Variants in SMG1 observed in about 807,000 individuals in gnomAD.
The protein encoded by SMG1 is serine/threonine-protein kinase SMG1.
Under a neutral mutation model 419.9 loss-of-function variants are expected in SMG1, and 22 were observed. The observed-to-expected ratio is 0.05, with a 90% CI of 0.04 to 0.07. SMG1 has a LOEUF of 0.07. Among genes scored for constraint, SMG1 ranks in the 10% least tolerant of loss-of-function variants. The probability of loss-of-function intolerance (pLI) is 1.00; values close to 1 mark genes in which losing one functional copy is unlikely to be tolerated. For synonymous variants in SMG1, 1,538 were observed against 1,553.5 expected, an observed-to-expected ratio of 0.99 and a Z score of 0.23; for missense variants, 3,185 against 4,342.0, an observed-to-expected ratio of 0.73 and a Z score of 7.49.
At chr16:18,854,611 G>A in intron 30 of SMG1, 45 bp downstream of exon 30, 1 of 1,533,210 alleles carries the variant, frequency 6.5e-7, no homozygotes, top group Non-Finnish European at 8.8e-7. Context: ...TCATATACAT[G>A]ATTTTTATTA....
chr16:18,812,179 G>T (rs2031473311), intron 60 of SMG1, 52 bp from the exon 61 acceptor site: 2 of 1,557,754 alleles, frequency 1.3e-6, no homozygotes, highest in Non-Finnish European at 8.7e-7. Flanking sequence ...AACATGGAGG[G>T]GGCAGAGTGG....
rs1306374897 is a variant in SMG1, at chr16:18,831,331, C to CA, written c.8793-963dup. 5.3e-5 allele frequency among the ~76,000 whole-genome samples: 8 copies of CA among 151,878 alleles called. No homozygotes were observed. In the East Asian group the frequency reaches 1.4e-3, roughly 26 times the overall value. On this transcript the variant is annotated intron_variant, in intron 51 of 62. Coordinates refer to ENST00000446231, the MANE Select transcript of SMG1 (RefSeq NM_015092.5). ...GTATGAGATTTTCCTTGAGATTACC[C>CA]AAAAAAAGCTTCTCTGAAACAAGGC...
chr16:18,853,570 A>G lies in SMG1; in HGVS notation c.4768+13T>C, dbSNP rs374196034. 1.3e-5 allele frequency: 20 copies of G among 1,543,198 alleles called. No homozygotes were observed. Among genetic ancestry groups the G allele is most frequent in the Non-Finnish European group, 1.6e-5 (18 of 1,145,964 alleles). ...CTAAAATTAATATTCTAAAGCTAATAAAGCAACTCTACCTGTAGATTCACT... is the reference window on the plus strand; with the variant it reads ...CTAAAATTAATATTCTAAAGCTAATGAAGCAACTCTACCTGTAGATTCACT... On this transcript the variant is annotated intron_variant, in intron 31 of 62. Transcript: ENST00000446231.
intron 50 of SMG1, among the ~76,000 whole-genome samples, chr16:18,833,921 G>A (rs755360719): frequency 2.6e-5 from 4 of 152,166 alleles, no homozygotes; most frequent in Non-Finnish European, 4.4e-5. Flanking sequence ...TTGCTAAGAA[G>A]TATTCCATTA....
intron 56 of SMG1, among the ~76,000 whole-genome samples, chr16:18,818,157 C>A (rs541642082): frequency 1.3e-5 from 2 of 151,890 alleles, no homozygotes; most frequent in South Asian, 2.1e-4. Context: ...CTGAGGCCAG[C>A]GGATCACCTG....
At chr16:18,910,825 A>T (rs1368627676) in intron 1 of SMG1, among the ~76,000 whole-genome samples, 1 of 152,182 alleles carries the variant, frequency 6.6e-6, no homozygotes, top group Non-Finnish European at 1.5e-5. Context: ...TCCTCCCATT[A>T]AAAAATAAAA....
At chr16:18,856,171 C>CTTGCGGGT (rs74275925) in intron 29 of SMG1, among the ~76,000 whole-genome samples, 10 of 151,640 alleles carry the variant, frequency 6.6e-5, no homozygotes, top group Non-Finnish European at 1.5e-5. Flanking sequence ...GCTGTTCCTT[C>CTTGCGGGT]TTATTTTTTG....
chr16:18,810,104 T>C (rs2031239935), intron 62 of SMG1, among the ~76,000 whole-genome samples: 1 of 152,062 alleles, frequency 6.6e-6, no homozygotes, highest in Non-Finnish European at 1.5e-5. Flanking sequence ...TGCCAAACCA[T>C]GGAAGAACAG....
intron 1 of SMG1, among the ~76,000 whole-genome samples, chr16:18,906,354 G>A (rs1447937293): frequency 3.3e-5 from 5 of 152,014 alleles, no homozygotes; most frequent in African/African-American, 4.8e-5. Flanking sequence ...GTGGTGGTGC[G>A]CACCTGTAAT....
At chr16:18,876,870 T>TTAAATTTATAA (rs895192194) in intron 12 of SMG1, among the ~76,000 whole-genome samples, 1 of 151,924 alleles carries the variant, frequency 6.6e-6, no homozygotes, top group Non-Finnish European at 1.5e-5. Context: ...TTATGAAAAT[T>TTAAATTTATAA]TAAATTTATA....
intron 11 of SMG1, chr16:18,879,118 T>C (rs1394194634): frequency 3.6e-6 from 1 of 280,500 alleles, no homozygotes; most frequent in African/African-American, 2.2e-5. Flanking sequence ...AAAGCCCTTA[T>C]TTTTTTTTCT....
Position 18,841,730 on chromosome 16 carries a change from A to G in SMG1, c.6531T>C (p.Phe2177=). The G allele has an allele frequency of 6.2e-7, 1 of 1,614,026 alleles. No homozygotes were observed. The highest frequency in any genetic ancestry group is 8.5e-7 in the Non-Finnish European group (1 of 1,179,898). ...GTGTTTCTTGGCGATTAATTGTAGC[A>G]AACATGGTATTCACAATAGATAGGA... ...MQFLSIVNTM[F]ATINRQETPR... Residue 2177 remains phenylalanine (F), a synonymous_variant, in exon 41 of 63, where the codon TTT becomes TTC. Coordinates refer to ENST00000446231, the MANE Select transcript of SMG1 (RefSeq NM_015092.5).
intron 1 of SMG1, among the ~76,000 whole-genome samples, chr16:18,901,790 C>T (rs1376747217): frequency 6.6e-6 from 1 of 151,794 alleles, no homozygotes; most frequent in Non-Finnish European, 1.5e-5. Flanking sequence ...GCCTGGCCAG[C>T]ATGGTGAAAC....
intron 54 of SMG1, among the ~76,000 whole-genome samples, chr16:18,828,523 T>G (rs2032919962): frequency 7.3e-6 from 1 of 136,394 alleles, no homozygotes; most frequent in African/African-American, 2.5e-5. Context: ...CCCCAAAGCC[T>G]GTGCTGTTAT....
At chr16:18,844,785 A>G (rs1206383153) in intron 39 of SMG1, among the ~76,000 whole-genome samples, 1 of 152,180 alleles carries the variant, frequency 6.6e-6, no homozygotes, top group East Asian at 1.9e-4. Context: ...CAATAAAGGT[A>G]AGAGACAGAG....
rs895768104 is a variant in SMG1 at position 18,808,258 on chromosome 16, A to G, written c.*1311T>C. 29 of 152,216 alleles carry G rather than the reference A, an allele frequency of 1.9e-4. No individual in the cohort carries two copies. The highest frequency in any genetic ancestry group is 4.0e-4 in the Non-Finnish European group (27 of 68,042). The allele number at this position is 152,216 out of a possible 1,614,324, so 9.4% of individuals were successfully genotyped here. On this transcript the variant is annotated 3_prime_UTR_variant, in exon 63 of 63. Coordinates refer to ENST00000446231, the MANE Select transcript of SMG1 (RefSeq NM_015092.5). ...AATAGCAAGCTATTAAAATTGTGCA[A>G]AAAGTAAAGCACTTCACAGACTAAT...
chr16:18,850,294 G>C lies in SMG1; in HGVS notation c.5226C>G (p.Ser1742Arg). ...ATGCACTGCAAGAGAGTTTGTACAG[G>C]CTGAATATTCTATCTACAACTTTCC... Reference protein sequence around the residue: ...VWRKVVDRIFSLYKLSCSAYF... With the variant: ...VWRKVVDRIFRLYKLSCSAYF... Residue 1742 changes from serine (S) to arginine (R), a missense_variant, in exon 34 of 63, where the codon AGC becomes AGG. Physicochemically the swap from Ser to Arg is moderately radical, Grantham distance 110. This residue lies in a region of SMG1 where 493 missense variants were observed against 552.9 expected (regional missense o/e 0.89). Coordinates refer to ENST00000446231, the MANE Select transcript of SMG1 (RefSeq NM_015092.5). 1 of 1,613,616 alleles carries C rather than the reference G, an allele frequency of 6.2e-7. No individual in the cohort carries two copies. Among genetic ancestry groups the C allele is most frequent in the Non-Finnish European group, 8.5e-7 (1 of 1,179,694 alleles).
At chr16:18,898,938 C>T (rs574804379) in intron 1 of SMG1, among the ~76,000 whole-genome samples, 3 of 152,270 alleles carry the variant, frequency 2.0e-5, no homozygotes, top group African/African-American at 7.2e-5. Flanking sequence ...ACTTGATCTC[C>T]AAGCCTTGGT....
At position 18,869,110 on chromosome 16, in the gene SMG1, T is replaced by C. The variant is rs199644238; in HGVS notation, c.2827A>G (p.Ile943Val). 5.7e-5 allele frequency: 92 copies of C among 1,609,326 alleles called. No individual in the cohort carries two copies. The African/African-American group carries it at 1.1e-3, about 18-fold the overall frequency. Reference sequence around the variant, plus strand: ...CAAAGCTTGAGTGAGTTACCTTCAATTGTCTGGAAGGTGTCTTGAGCTCTG... The same window carrying C: ...CAAAGCTTGAGTGAGTTACCTTCAACTGTCTGGAAGGTGTCTTGAGCTCTG... ...LGRAQDTFQTIEGIIRSLAAH... is the reference protein window; with the variant it reads ...LGRAQDTFQTVEGIIRSLAAH... Residue 943 changes from isoleucine to valine, a missense_variant, in exon 20 of 63, where the codon ATT (isoleucine) becomes GTT (valine). By Grantham distance (29) the Ile-to-Val change is conservative. Around this residue, in one of 27 missense-constraint regions of SMG1, gnomAD observed 70 missense variants for 185.7 expected, o/e 0.38. Coordinates refer to ENST00000446231, the MANE Select transcript of SMG1 (RefSeq NM_015092.5).
Sources: gnomAD v4.1 joint callset for allele counts (sites outside exome capture counted in the v4.1 genomes callset) on GRCh38, gnomAD v4.1.1 for gene constraint, gnomAD v4.1.1 regional missense constraint, MANE v1.5 for transcripts, NCBI Gene and HGNC (gene_info 2026-07-23, HGNC 2026-07-21) for gene names.